The following MEST variants were observed in gnomAD, a reference collection of about 807,000 sequenced individuals.
MEST encodes mesoderm-specific transcript homolog protein.
MEST carries 18 observed loss-of-function variants against 50.9 expected under a neutral mutation model. That is an observed-to-expected ratio of 0.35 (90% CI 0.24 to 0.52). The LOEUF (loss-of-function observed/expected upper bound fraction) is 0.52, where lower values mean the gene tolerates loss of function less well. MEST is among the 20% of genes least tolerant of loss of function. MEST has a pLI of 0.94. For missense variants in MEST, 282 were observed against 425.3 expected (o/e 0.66, Z 2.96); for synonymous variants, 130 against 154.1 (o/e 0.84, Z 1.16).
At chr7:130,489,779 C>T (rs572590158), upstream of MEST, 7 of 152,374 alleles carry the variant, frequency 4.6e-5, no homozygotes, top group South Asian at 6.2e-4. Flanking sequence ...CTTGGAATTC[C>T]TGTTGTCTTC....
At position 130,495,778 on chromosome 7, in the gene MEST, G is replaced by GTTTTTTT. The variant is rs71178591; in HGVS notation, c.181+265_181+271dup. 3.2e-3 allele frequency: 614 copies of GTTTTTTT among 189,578 alleles called. 14 individuals carry two copies. The highest frequency in any genetic ancestry group is 7.4e-3 in the South Asian group (59 of 7,974). 11.7% of individuals were successfully genotyped at this position (189,578 alleles called of 1,614,324 possible). A position where few individuals can be genotyped will look rare whatever the true frequency, so the allele number is the denominator to read the frequency against. On this transcript the variant is annotated intron_variant, in intron 2 of 11. Transcript: ENST00000223215. ...TAGCTTGATATGTATTCCAATATTA[G>GTTTTTTT]TTTTTTTTTTTTTTTGAGCAACCTG...
upstream of MEST, among the ~76,000 whole-genome samples, chr7:130,491,696 G>T (rs1798818656): frequency 6.6e-6 from 1 of 152,166 alleles, no homozygotes; most frequent in African/African-American, 2.4e-5. The surrounding 1 kb of genome is among the most constrained non-coding windows in gnomAD (Gnocchi z 6.8). Context: ...CTCCTGTGGG[G>T]CTTGTGGGCA....
intron 9 of MEST, 32 bp from the exon 10 acceptor site, chr7:130,502,612 G>C (rs80267044): frequency 6.4e-7 from 1 of 1,555,798 alleles, no homozygotes; most frequent in Non-Finnish European, 8.9e-7. Flanking sequence ...AAGGTTTCTT[G>C]TTCTGCACAT....
Position 130,497,347 on chromosome 7 carries a change from A to G in MEST, c.261+112A>G, listed in dbSNP as rs569864323. 3 of 772,614 alleles carry G rather than the reference A, an allele frequency of 3.9e-6. No individual in the cohort carries two copies. Among genetic ancestry groups the G allele is most frequent in the Admixed American group, 5.3e-5 (2 of 37,720 alleles). The allele number at this position is 772,614 out of a possible 1,614,324, so 47.9% of individuals were successfully genotyped here. On this transcript the variant is annotated intron_variant, in intron 3 of 11. Coordinates refer to ENST00000223215, the MANE Select transcript of MEST (RefSeq NM_002402.4). This position sits in a 1 kb window ranked among gnomAD's most constrained non-coding sequence, Gnocchi z 4.0. The stretch of plus-strand genomic sequence containing the variant: ...TGAGGTGGGAGGATGACCTGAGGTC[A>G]GGAGTTTGAGACCAGCCAGGCCAAC...
At position 130,500,736 on chromosome 7, in the gene MEST, G is replaced by C. The variant is rs1799245536; in HGVS notation, c.648-53G>C. The C allele has an allele frequency of 6.7e-7, 1 of 1,485,710 alleles. No homozygotes were observed. Among genetic ancestry groups the C allele is most frequent in the Non-Finnish European group, 9.2e-7 (1 of 1,083,628 alleles). 92.0% of individuals were successfully genotyped at this position (1,485,710 alleles called of 1,614,324 possible). A position where few individuals can be genotyped will look rare whatever the true frequency, so the allele number is the denominator to read the frequency against. ...TGGCCTCTGAGGTTCCAGCCATATT[G>C]AACATTCTGAGTTCTCCTCACACTT... On this transcript the variant is annotated intron_variant, in intron 8 of 11. Transcript: ENST00000223215. This position sits in a 1 kb window ranked among gnomAD's most constrained non-coding sequence, Gnocchi z 5.0.
At chr7:130,495,229 A>G (rs1010414826) in intron 1 of MEST, 139 bp from the exon 2 acceptor site, 1 of 758,078 alleles carries the variant, frequency 1.3e-6, no homozygotes, top group Non-Finnish European at 2.1e-6. Flanking sequence ...AGTCTCGGTC[A>G]GCTTTGTGCC....
rs1554439181 is a variant in MEST at position 130,503,969 on chromosome 7, C to T, written c.863C>T (p.Pro288Leu). Residue 288 changes from proline to leucine, a missense_variant, in exon 11 of 12, where the codon CCC becomes CTC. Transcript: ENST00000223215. ...FIYGPLDPVN[P>L]YPEFLELYRK... ...TATGGGCCATTGGATCCTGTAAATC[C>T]CTATCCAGAGTTTTTGGAGCTGTAC... The T allele has an allele frequency of 1.2e-6, 2 of 1,612,886 alleles. No individual in the cohort carries two copies. Among genetic ancestry groups the T allele is most frequent in the Non-Finnish European group, 8.5e-7 (1 of 1,179,334 alleles).
At chr7:130,501,145 C>G (rs1799263067) in intron 9 of MEST, 1 of 332,878 alleles carries the variant, frequency 3.0e-6, no homozygotes, top group Non-Finnish European at 5.4e-6. Flanking sequence ...CCTCAAGGTA[C>G]AAGGCTCTTC....
At chr7:130,496,210 G>A (rs1554436941) in intron 2 of MEST, 1 of 454,040 alleles carries the variant, frequency 2.2e-6, no homozygotes, top group Admixed American at 2.6e-5. Flanking sequence ...ATTCAATTAA[G>A]TAAGTATACA....
intron 9 of MEST, among the ~76,000 whole-genome samples, chr7:130,502,000 GAA>G (rs374308764): frequency 6.9e-6 from 1 of 145,744 alleles, no homozygotes; most frequent in East Asian, 2.0e-4. Context: ...AAAAAAAAAA[GAA>G]AAAAAAAAAG....
Position 130,496,028 on chromosome 7 carries a change from A to G in MEST, c.181+506A>G, listed in dbSNP as rs1357608509. 1.6e-4 allele frequency: 72 copies of G among 456,092 alleles called. 1 individual carries two copies. The highest frequency in any genetic ancestry group is 1.2e-3 in the South Asian group (71 of 61,258). The allele number at this position is 456,092 out of a possible 1,614,324, so 28.3% of individuals were successfully genotyped here. ...GTTATGTTTTCAGCCTTCATTGTTT[A>G]ATCTTTACAACAGCATTTGGAGATA... On this transcript the variant is annotated intron_variant, in intron 2 of 11. Coordinates refer to ENST00000223215, the MANE Select transcript of MEST (RefSeq NM_002402.4).
chr7:130,492,769 C>G lies in MEST; in HGVS notation c.26+430C>G, dbSNP rs1554435738. Among the ~76,000 whole-genome samples, 1 of 152,076 alleles carries G rather than the reference C, an allele frequency of 6.6e-6. No homozygotes were observed. The highest frequency in any genetic ancestry group is 1.5e-5 in the Non-Finnish European group (1 of 68,022). On this transcript the variant is annotated intron_variant, in intron 1 of 11. Coordinates refer to ENST00000223215, the MANE Select transcript of MEST (RefSeq NM_002402.4). This position sits in a 1 kb window ranked among gnomAD's most constrained non-coding sequence, Gnocchi z 7.6. ...AGGATTTCTAACCCCCAGCATCGCCCTGGTTTGATTTAGGATATTTAGACT... is the reference window on the plus strand; with the variant it reads ...AGGATTTCTAACCCCCAGCATCGCCGTGGTTTGATTTAGGATATTTAGACT...
At chr7:130,499,665 G>C (rs1278747096) in intron 6 of MEST, among the ~76,000 whole-genome samples, 1 of 152,094 alleles carries the variant, frequency 6.6e-6, no homozygotes, top group African/African-American at 2.4e-5. Flanking sequence ...TGAATAGGGT[G>C]GGTAGTTTCT....
intron 6 of MEST, chr7:130,498,736 T>A: frequency 1.8e-6 from 1 of 565,104 alleles, no homozygotes. Context: ...AAAAGCTGCA[T>A]TATAGTCACA....
intron 2 of MEST, chr7:130,495,897 T>C (rs1799038341): frequency 3.2e-6 from 1 of 312,526 alleles, no homozygotes; most frequent in Non-Finnish European, 6.1e-6. Context: ...TTATTTGTAG[T>C]GTAACTGTGA....
chr7:130,493,529 CCT>C (rs1323364844), intron 1 of MEST, among the ~76,000 whole-genome samples: 10 of 152,174 alleles, frequency 6.6e-5, no homozygotes, highest in Non-Finnish European at 1.2e-4. Flanking sequence ...AAAATGGCCC[CCT>C]GAGAGGTTGC....
At chr7:130,501,288 T>C (rs1554438460) in intron 9 of MEST, among the ~76,000 whole-genome samples, 3 of 152,204 alleles carry the variant, frequency 2.0e-5, no homozygotes, top group Admixed American at 6.5e-5. Flanking sequence ...GAGGTGGTGA[T>C]AGCTGTAACT....
Position 130,503,934 on chromosome 7 carries a change from T to C in MEST, c.828T>C (p.Ile276=). The change falls in exon 11 of 12, where the codon ATT becomes ATC. Residue 276 remains isoleucine (I), a splice_region_variant and synonymous_variant. Transcript: ENST00000223215. ...VGALASVTIP[I]HFIYGPLDPV... is the part of the protein sequence containing the mutation. Reference sequence around the variant, plus strand: ...TTTCATTCCTTTTCTCTTTTCTAGTTCATTTTATCTATGGGCCATTGGATC... The same window carrying C: ...TTTCATTCCTTTTCTCTTTTCTAGTCCATTTTATCTATGGGCCATTGGATC... 6.2e-7 allele frequency: 1 copy of C among 1,612,128 alleles called. No homozygotes were observed. Among genetic ancestry groups the C allele is most frequent in the Non-Finnish European group, 8.5e-7 (1 of 1,178,268 alleles).
Position 130,500,631 on chromosome 7 carries a change from C to A in MEST, c.647+99C>A. The A allele has an allele frequency of 2.2e-6, 3 of 1,356,214 alleles. No individual in the cohort carries two copies. Among genetic ancestry groups the A allele is most frequent in the Non-Finnish European group, 3.1e-6 (3 of 974,904 alleles). 84.0% of individuals were successfully genotyped at this position (1,356,214 alleles called of 1,614,324 possible). A position where few individuals can be genotyped will look rare whatever the true frequency, so the allele number is the denominator to read the frequency against. On this transcript the variant is annotated intron_variant, in intron 8 of 11. Transcript: ENST00000223215. The surrounding 1 kb of genome is among the most constrained non-coding windows in gnomAD (Gnocchi z 5.0). ...AATCCTAAGGCTTGATATTTTAAAG[C>A]AAAGGTGTTGGCCGCTTGCCAGGGA...
Sources: allele counts gnomAD v4.1 joint callset (sites outside exome capture counted in the v4.1 genomes callset), GRCh38; gene constraint gnomAD v4.1.1; non-coding constraint Gnocchi (gnomAD v3.1); transcripts MANE v1.5; gene names NCBI Gene and HGNC (gene_info 2026-07-23, HGNC 2026-07-21).